The following NBPF15 variants were observed in gnomAD, a reference collection of about 807,000 sequenced individuals.
NBPF15 encodes the protein NBPF family member NBPF15.
In NBPF15, 74 loss-of-function variants were observed where a neutral mutation model predicts 62.2. The observed-to-expected ratio is 1.19, with a 90% CI of 0.99 to 1.44. NBPF15 has a LOEUF of 1.44. Among genes scored for constraint, NBPF15 ranks in the 40% most tolerant of loss-of-function variants. NBPF15 has a pLI of 0.00. For missense variants in NBPF15, 790 were observed against 550.0 expected (o/e 1.44, Z -4.36); for synonymous variants, 244 against 209.7 (o/e 1.16, Z -1.41).
intron 18 of NBPF15, 60 bp from the exon 19 acceptor site, chr1:144,425,628 TC>T: frequency 1.8e-6 from 1 of 541,052 alleles, no homozygotes. Flanking sequence ...CCCATAACAG[TC>T]CACTGTCTAA....
chr1:144,455,139 G>C (rs1278159912), intron 4 of NBPF15, among the ~76,000 whole-genome samples: 2 of 146,580 alleles, frequency 1.4e-5, no homozygotes, highest in African/African-American at 5.0e-5. Context: ...GAGGGAGGAA[G>C]AAAAGGAGGG....
chr1:144,457,855 C>G (rs1346686625), intron 3 of NBPF15, among the ~76,000 whole-genome samples: 4 of 151,894 alleles, frequency 2.6e-5, no homozygotes. Context: ...TTTGAGATGC[C>G]AAGGTGGGAG....
Position 144,449,530 on chromosome 1 carries a change from C to A in NBPF15, c.-332-614G>T, listed in dbSNP as rs1239456418. On this transcript the variant is annotated intron_variant, in intron 5 of 21. Coordinates refer to ENST00000581897, the MANE Select transcript of NBPF15 (RefSeq NM_001385408.1). Reference sequence around the variant, plus strand: ...AACAAACTTTTGACACACAAAACAACATGGATGAATCTCAAAAACATTTTG... The same window carrying A: ...AACAAACTTTTGACACACAAAACAAAATGGATGAATCTCAAAAACATTTTG... Among the ~76,000 whole-genome samples, 172 of 150,914 alleles carry A rather than the reference C, an allele frequency of 1.1e-3. 5 individuals carry two copies. The highest frequency in any genetic ancestry group is 6.8e-3 in the Middle Eastern group (2 of 292).
rs1285370441 is a variant in NBPF15, at chr1:144,440,882, G to A, written c.-190-587C>T. Among the ~76,000 whole-genome samples the A allele has an allele frequency of 3.1e-3, 469 of 151,632 alleles. 6 individuals are homozygous for A. In the South Asian group the frequency reaches 0.04, roughly 13 times the overall value. On this transcript the variant is annotated intron_variant, in intron 6 of 21. Transcript: ENST00000581897. ...GACGGGGTTTCACTGTGTTAGCCAG[G>A]ATGGTCTCGATCTCCTGACCTCGTG...
intron 10 of NBPF15, 116 bp downstream of exon 10, chr1:144,436,777 CCA>C (rs1553541323): frequency 1.8e-4 from 245 of 1,335,980 alleles, no homozygotes; most frequent in Non-Finnish European, 2.5e-4. Context: ...CATGTCATGG[CCA>C]CATAAGCTTA....
Position 144,440,329 on chromosome 1 carries a change from G to C in NBPF15, c.-190-34C>G. On this transcript the variant is annotated intron_variant, in intron 6 of 21. Coordinates refer to ENST00000581897, the MANE Select transcript of NBPF15 (RefSeq NM_001385408.1). ...GCAATAACAGAATTAGAAGGTGGGG[G>C]TGTCATGGAATCTTAGGAGCCCTGC... The C allele has an allele frequency of 4.0e-6, 5 of 1,240,644 alleles. No individual in the cohort carries two copies. The South Asian group carries it at 7.7e-5, about 19-fold the overall frequency. The allele number at this position is 1,240,644 out of a possible 1,614,324, so 76.9% of individuals were successfully genotyped here.
intron 17 of NBPF15, 35 bp from the exon 18 acceptor site, chr1:144,426,485 G>A: frequency 3.6e-6 from 3 of 827,498 alleles, no homozygotes; most frequent in South Asian, 1.3e-5. Flanking sequence ...AATAAGCCAG[G>A]GAGAATCAGA....
intron 21 of NBPF15, among the ~76,000 whole-genome samples, 190 bp downstream of exon 21, chr1:144,423,680 C>T (rs1320119562): frequency 2.6e-5 from 4 of 151,846 alleles, no homozygotes; most frequent in South Asian, 2.1e-4. Flanking sequence ...ACCTATGGTA[C>T]GTTAGTAAAT....
Position 144,423,698 on chromosome 1 carries a change from G to T in NBPF15, c.1769+172C>A, listed in dbSNP as rs1332669919. Among the ~76,000 whole-genome samples the T allele has an allele frequency of 1.8e-4, 27 of 151,850 alleles. 1 individual carries two copies. Among genetic ancestry groups the T allele is most frequent in the Admixed American group, 1.8e-3 (27 of 15,210 alleles). Reference sequence around the variant, plus strand: ...TATGGTACGTTAGTAAATGATAAGGGGAGGAAGAAATGGAAACCTAAACAT... The same window carrying T: ...TATGGTACGTTAGTAAATGATAAGGTGAGGAAGAAATGGAAACCTAAACAT... On this transcript the variant is annotated intron_variant, in intron 21 of 21. Coordinates refer to ENST00000581897, the MANE Select transcript of NBPF15 (RefSeq NM_001385408.1).
chr1:144,424,568 C>A (rs1345766547), intron 20 of NBPF15, 122 bp downstream of exon 20: 2 of 640,514 alleles, frequency 3.1e-6, no homozygotes, highest in East Asian at 5.3e-5. Flanking sequence ...CCTACATGTG[C>A]CTATAGGTCC....
intron 6 of NBPF15, among the ~76,000 whole-genome samples, chr1:144,445,081 A>C (rs1686301850): frequency 6.6e-6 from 1 of 151,156 alleles, no homozygotes; most frequent in Admixed American, 6.6e-5. Flanking sequence ...CTGGTATCTC[A>C]TTGTTGCACT....
intron 6 of NBPF15, among the ~76,000 whole-genome samples, chr1:144,441,417 TATC>T (rs1306432322): frequency 2.6e-4 from 39 of 151,656 alleles, no homozygotes; most frequent in Admixed American, 2.3e-3. Context: ...TTCATTTAGA[TATC>T]TTCTTATGGA....
intron 17 of NBPF15, 116 bp downstream of exon 17, chr1:144,426,931 G>A (rs1159710366): frequency 1.7e-6 from 1 of 604,652 alleles, no homozygotes; most frequent in Non-Finnish European, 2.9e-6. Context: ...GCAATGTCAG[G>A]AGGAGTAATT....
chr1:144,443,073 A>C lies in NBPF15; in HGVS notation c.-190-2778T>G, dbSNP rs587665563. Reference sequence around the variant, plus strand: ...GCCCGCCTTTCCTTCACATACACACACCATTTTAATTTCAGGGGTCATTAC... The same window carrying C: ...GCCCGCCTTTCCTTCACATACACACCCCATTTTAATTTCAGGGGTCATTAC... On this transcript the variant is annotated intron_variant, in intron 6 of 21. Transcript: ENST00000581897. 20 of 162,228 alleles carry C rather than the reference A, an allele frequency of 1.2e-4. 1 individual carries two copies. The East Asian group carries it at 3.5e-3, about 29-fold the overall frequency. The allele number at this position is 162,228 out of a possible 1,614,324, so 10.0% of individuals were successfully genotyped here. A position where few individuals can be genotyped will look rare whatever the true frequency, so the allele number is the denominator to read the frequency against.
intron 5 of NBPF15, among the ~76,000 whole-genome samples, chr1:144,450,345 G>A (rs1690281155): frequency 6.6e-6 from 1 of 150,632 alleles, no homozygotes; most frequent in Non-Finnish European, 1.5e-5. Context: ...GTTGTTATTG[G>A]TTGAAAGATG....
At position 144,422,880 on chromosome 1, in the gene NBPF15, A is replaced by T; in HGVS notation, c.*133T>A. 6.3e-7 allele frequency: 1 copy of T among 1,590,222 alleles called. No homozygotes were observed. The highest frequency in any genetic ancestry group is 1.3e-5 in the African/African-American group (1 of 74,208). On this transcript the variant is annotated 3_prime_UTR_variant, in exon 22 of 22. Transcript: ENST00000581897. ...AGGTTGCCAATGGCATGGTTTGAGA[A>T]TAGGAATAGAGCCATGCTCACTGAC...
At chr1:144,432,333 G>C (rs1264066467) in intron 13 of NBPF15, among the ~76,000 whole-genome samples, 1 of 151,760 alleles carries the variant, frequency 6.6e-6, no homozygotes, top group African/African-American at 2.4e-5. Flanking sequence ...AGGAACAACC[G>C]GTACCAGCCA....
intron 6 of NBPF15, among the ~76,000 whole-genome samples, chr1:144,447,014 AT>A (rs1688029076): frequency 6.7e-6 from 1 of 149,864 alleles, no homozygotes; most frequent in African/African-American, 2.4e-5. Context: ...TTTCCCATCC[AT>A]TACATCCCAG....
chr1:144,448,544 C>T (rs1248200964), intron 6 of NBPF15, among the ~76,000 whole-genome samples: 1 of 151,964 alleles, frequency 6.6e-6, no homozygotes, highest in African/African-American at 2.4e-5. Context: ...TGCAATAAAA[C>T]CTTAAGATGC....
Sources: gnomAD v4.1 joint callset for allele counts (sites outside exome capture counted in the v4.1 genomes callset) on GRCh38, gnomAD v4.1.1 for gene constraint, MANE v1.5 for transcripts, NCBI Gene and HGNC (gene_info 2026-07-23, HGNC 2026-07-21) for gene names.